EPAS1: variants seen among roughly 807,000 people sequenced by gnomAD.
The protein encoded by EPAS1 is endothelial PAS domain-containing protein 1.
A neutral mutation model predicts 87.9 loss-of-function variants in EPAS1; 23 were observed. The observed-to-expected ratio is 0.26, with a 90% confidence interval of 0.19 to 0.37. The LOEUF (loss-of-function observed/expected upper bound fraction) is 0.37, where lower values mean the gene tolerates loss of function less well. Among genes scored for constraint, EPAS1 ranks in the 10% least tolerant of loss-of-function variants. The pLI is 1.00. For missense variants in EPAS1, 1,138 were observed against 1,120.7 expected (o/e 1.02, Z -0.22); for synonymous variants, 508 against 444.3 (o/e 1.14, Z -1.80).
intron 1 of EPAS1, among the ~76,000 whole-genome samples, chr2:46,316,630 C>G (rs925168880): frequency 6.6e-6 from 1 of 152,208 alleles, no homozygotes; most frequent in Non-Finnish European, 1.5e-5. Context: ...TCTGAGCCTT[C>G]AGTGAGTCAT....
intron 1 of EPAS1, among the ~76,000 whole-genome samples, chr2:46,345,495 C>T (rs1300926124): frequency 6.6e-6 from 1 of 152,124 alleles, no homozygotes; most frequent in Non-Finnish European, 1.5e-5. Flanking sequence ...CTTCCCAGTG[C>T]AAAGCCCGAC....
intron 8 of EPAS1, among the ~76,000 whole-genome samples, chr2:46,376,285 T>C (rs576938876): frequency 1.3e-5 from 2 of 152,274 alleles, no homozygotes; most frequent in East Asian, 3.9e-4. Context: ...GCCTCATATA[T>C]ACCACCCCAC....
intron 4 of EPAS1, among the ~76,000 whole-genome samples, chr2:46,359,169 G>A (rs1386789930): frequency 7.0e-6 from 1 of 142,742 alleles, no homozygotes; most frequent in East Asian, 2.1e-4. Flanking sequence ...TGAGGCAGGA[G>A]AATCACTTGA....
At chr2:46,363,317 A>G (rs1530633) in intron 6 of EPAS1, among the ~76,000 whole-genome samples, 97,032 of 151,998 alleles carry the variant, frequency 0.64, 33,010 homozygotes, top group East Asian at 0.87. Context: ...ACCCTGGTGA[A>G]TGAAGCACAT....
intron 6 of EPAS1, among the ~76,000 whole-genome samples, chr2:46,367,630 C>T (rs1389774713): frequency 6.6e-6 from 1 of 152,242 alleles, no homozygotes; most frequent in African/African-American, 2.4e-5. Flanking sequence ...CCTCTCTGCT[C>T]AGGGCCAAGC....
At chr2:46,362,898 G>C (rs1684422343) in intron 6 of EPAS1, among the ~76,000 whole-genome samples, 1 of 148,630 alleles carries the variant, frequency 6.7e-6, no homozygotes, top group South Asian at 2.1e-4. Context: ...AAAATGTCAT[G>C]CATGAAGCCT....
In EPAS1 at chr2:46,380,230, G is replaced by T. The variant is rs753893473; in HGVS notation, c.1558G>T (p.Asp520Tyr). 6.2e-7 allele frequency: 1 copy of T among 1,610,916 alleles called. No individual in the cohort carries two copies. Among genetic ancestry groups the T allele is most frequent in the Non-Finnish European group, 8.5e-7 (1 of 1,180,000 alleles). ...EAKDQCSTQT[D>Y]FNELDLETLA... ...TGCCGGTGCTGTCTCCCCTCAGACG[G>T]ATTTCAATGAGCTGGACTTGGAGAC... Residue 520 changes from aspartate to tyrosine, a missense_variant, in exon 12 of 16, where the codon GAT (aspartate) becomes TAT (tyrosine). This residue lies in a region of EPAS1 where 284 missense variants were observed against 258.4 expected (regional missense o/e 1.10). Coordinates refer to ENST00000263734, the MANE Select transcript of EPAS1 (RefSeq NM_001430.5). This position sits in a 1 kb window ranked among gnomAD's most constrained non-coding sequence, Gnocchi z 4.4.
At chr2:46,364,384 CA>C (rs1203711597) in intron 6 of EPAS1, among the ~76,000 whole-genome samples, 2 of 150,006 alleles carry the variant, frequency 1.3e-5, no homozygotes, top group Non-Finnish European at 3.0e-5. Flanking sequence ...CACAATCAAG[CA>C]AAAAAAGAAA....
intron 4 of EPAS1, among the ~76,000 whole-genome samples, chr2:46,359,295 C>CATGGGGAG (rs2103633836): frequency 9.6e-6 from 1 of 104,404 alleles, no homozygotes; most frequent in African/African-American, 4.0e-5. Context: ...CAAATGTCAG[C>CATGGGGAG]ATGGGGAGAA....
In EPAS1 at chr2:46,377,721, CCAGAGT is replaced by C. The variant is rs139635785; in HGVS notation, c.1250-170_1250-165del. Among the ~76,000 whole-genome samples, 579 of 152,306 alleles carry C rather than the reference CCAGAGT, an allele frequency of 3.8e-3. 2 individuals are homozygous for C. Among genetic ancestry groups the C allele is most frequent in the African/African-American group, 0.013 (555 of 41,564 alleles). Reference sequence around the variant, plus strand: ...AGGGAGTCTCTACGTTGACTCATAGCCAGAGTCAAAGACCCATGTGTTCCAGCTGAG... The same window carrying C: ...AGGGAGTCTCTACGTTGACTCATAGCCAAAGACCCATGTGTTCCAGCTGAG... On this transcript the variant is annotated intron_variant, in intron 9 of 15. Transcript: ENST00000263734.
rs202210836 is a variant in EPAS1, at chr2:46,356,139, C to G, written c.218-12C>G. 52 of 1,354,328 alleles carry G rather than the reference C, an allele frequency of 3.8e-5. No individual in the cohort carries two copies. Among genetic ancestry groups the G allele is most frequent in the Non-Finnish European group, 4.9e-5 (47 of 951,932 alleles). The allele number at this position is 1,354,328 out of a possible 1,614,324, so 83.9% of individuals were successfully genotyped here. On this transcript the variant is annotated splice_polypyrimidine_tract_variant and intron_variant, in intron 2 of 15. Coordinates refer to ENST00000263734, the MANE Select transcript of EPAS1 (RefSeq NM_001430.5). ...CATTCATGCAAGCTGTCCCACCCCC[C>G]CCCCTTTCCAGTTTGCTCTGAAAAC...
chr2:46,367,409 G>C (rs79724280), intron 6 of EPAS1, among the ~76,000 whole-genome samples: 5,631 of 152,290 alleles, frequency 0.037, 362 homozygotes, highest in African/African-American at 0.13. Flanking sequence ...CAGATGGCCA[G>C]ACCATTGTTA....
chr2:46,375,982 A>G lies in EPAS1; in HGVS notation c.1034+145A>G, dbSNP rs550930391. On this transcript the variant is annotated intron_variant, in intron 8 of 15. Coordinates refer to ENST00000263734, the MANE Select transcript of EPAS1 (RefSeq NM_001430.5). This position sits in a 1 kb window ranked among gnomAD's most constrained non-coding sequence, Gnocchi z 4.1. ...AGGGAGGTCTTGCAGGGCTAACCCTAGTGACTGAGAGGACTTCCTGTGGAT... is the reference window on the plus strand; with the variant it reads ...AGGGAGGTCTTGCAGGGCTAACCCTGGTGACTGAGAGGACTTCCTGTGGAT... 2.0e-5 allele frequency: 21 copies of G among 1,074,810 alleles called. No individual in the cohort carries two copies. In the African/African-American group the frequency reaches 2.5e-4, roughly 13 times the overall value. The allele number at this position is 1,074,810 out of a possible 1,614,324, so 66.6% of individuals were successfully genotyped here.
Position 46,375,807 on chromosome 2 carries a change from A to C in EPAS1, c.1004A>C (p.Gln335Pro), listed in dbSNP as rs1684732801. The change falls in exon 8 of 16, where the codon CAG becomes CCG. Residue 335 changes from glutamine (Q) to proline (P), a missense_variant. Coordinates refer to ENST00000263734, the MANE Select transcript of EPAS1 (RefSeq NM_001430.5). This position sits in a 1 kb window ranked among gnomAD's most constrained non-coding sequence, Gnocchi z 4.1. The part of the protein sequence containing the change: ...VIYNPRNLQP[Q>P]CIMCVNYVLS... ...TACAACCCTCGCAACCTGCAGCCCC[A>C]GTGCATCATGTGTGTCAACTACGTC... is the stretch of plus-strand genomic sequence containing the variant. 3 of 1,614,216 alleles carry C rather than the reference A, an allele frequency of 1.9e-6. No homozygotes were observed. The highest frequency in any genetic ancestry group is 2.5e-6 in the Non-Finnish European group (3 of 1,180,032).
Position 46,300,855 on chromosome 2 carries a change from C to A in EPAS1, c.26+2918C>A, listed in dbSNP as rs961235915. Among the ~76,000 whole-genome samples the A allele has an allele frequency of 1.3e-5, 2 of 152,196 alleles. No individual in the cohort carries two copies. The highest frequency in any genetic ancestry group is 4.8e-5 in the African/African-American group (2 of 41,444). On this transcript the variant is annotated intron_variant, in intron 1 of 15. Coordinates refer to ENST00000263734, the MANE Select transcript of EPAS1 (RefSeq NM_001430.5). This position sits in a 1 kb window ranked among gnomAD's most constrained non-coding sequence, Gnocchi z 4.1. ...AATTGGAGACACCTGGATCTCCAATCTCCCCCTCCTTCTGACAGCTGGACT... is the reference window on the plus strand; with the variant it reads ...AATTGGAGACACCTGGATCTCCAATATCCCCCTCCTTCTGACAGCTGGACT...
chr2:46,311,223 G>A (rs1683206983), intron 1 of EPAS1, among the ~76,000 whole-genome samples: 1 of 152,082 alleles, frequency 6.6e-6, no homozygotes, highest in Non-Finnish European at 1.5e-5. Context: ...ATCAATAAAT[G>A]CTTGTAAAAC....
chr2:46,370,820 C>T (rs531283828), intron 7 of EPAS1, among the ~76,000 whole-genome samples: 15 of 152,264 alleles, frequency 9.9e-5, no homozygotes, highest in Non-Finnish European at 1.2e-4. Context: ...GATCCAGGAC[C>T]GTTCCCTTGA....
At chr2:46,357,857 G>A (rs1384093006) in intron 4 of EPAS1, among the ~76,000 whole-genome samples, 1 of 152,254 alleles carries the variant, frequency 6.6e-6, no homozygotes, top group Non-Finnish European at 1.5e-5. Context: ...TGGCAGTGGA[G>A]CTTCCTGTCT....
At position 46,384,850 on chromosome 2, in the gene EPAS1, T is replaced by A; in HGVS notation, c.*190T>A. 1 of 683,566 alleles carries A rather than the reference T, an allele frequency of 1.5e-6. No individual in the cohort carries two copies. Among genetic ancestry groups the A allele is most frequent in the Non-Finnish European group, 2.4e-6 (1 of 408,648 alleles). The allele number at this position is 683,566 out of a possible 1,614,324, so 42.3% of individuals were successfully genotyped here. A position where few individuals can be genotyped will look rare whatever the true frequency, so the allele number is the denominator to read the frequency against. On this transcript the variant is annotated 3_prime_UTR_variant, in exon 16 of 16. Coordinates refer to ENST00000263734, the MANE Select transcript of EPAS1 (RefSeq NM_001430.5). ...ATGCTCACTTTATTATCCCTATTTT[T>A]AAAGTACACAATTGTTTTACCTGTT... is the stretch of plus-strand genomic sequence containing the variant.
Sources: gnomAD v4.1 joint callset for allele counts (sites outside exome capture counted in the v4.1 genomes callset) on GRCh38, gnomAD v4.1.1 for gene constraint, gnomAD v4.1.1 regional missense constraint, Gnocchi (gnomAD v3.1) non-coding constraint, MANE v1.5 for transcripts, NCBI Gene and HGNC (gene_info 2026-07-23, HGNC 2026-07-21) for gene names.